Variants in TMEM108 observed in about 807,000 individuals in gnomAD.
TMEM108 encodes the protein cancer/testis antigen 124.
In TMEM108, 12 loss-of-function variants were observed where a neutral mutation model predicts 35.1. That is an observed-to-expected ratio of 0.34 (90% confidence interval 0.22 to 0.55). The LOEUF is 0.55. TMEM108 is among the 20% of genes least tolerant of loss of function. The pLI is 0.89. For missense variants in TMEM108, 680 were observed against 753.3 expected (o/e 0.90, Z 1.14); for synonymous variants, 287 against 308.6 (o/e 0.93, Z 0.73).
chr3:133,193,265 A>C (rs920353955), intron 2 of TMEM108, among the ~76,000 whole-genome samples: 1 of 152,216 alleles, frequency 6.6e-6, no homozygotes, highest in Non-Finnish European at 1.5e-5. Flanking sequence ...TATCAAAATC[A>C]AAGATAAATG....
In TMEM108 at chr3:133,346,909, ATTG is replaced by A. The variant is rs1260582423; in HGVS notation, c.41-32842_41-32840del. On this transcript the variant is annotated intron_variant, in intron 3 of 5. Transcript: ENST00000321871. This position sits in a 1 kb window ranked among gnomAD's most constrained non-coding sequence, Gnocchi z 4.0. ...TTATTGAACAAACAGTCCTTTCTCC[ATTG>A]AATTGCCTTAGCTCCTTTGTCAAAG... Among the ~76,000 whole-genome samples the A allele has an allele frequency of 2.0e-5, 3 of 152,094 alleles. No homozygotes were observed. In the East Asian group the frequency reaches 5.8e-4, roughly 29 times the overall value.
At chr3:133,227,557 AC>A (rs1946092380) in intron 2 of TMEM108, among the ~76,000 whole-genome samples, 1 of 151,666 alleles carries the variant, frequency 6.6e-6, no homozygotes, top group Non-Finnish European at 1.5e-5. Context: ...ATTAAAAAAA[AC>A]ACTTGAAAAC....
intron 2 of TMEM108, among the ~76,000 whole-genome samples, chr3:133,110,497 T>C (rs375714922): frequency 4.6e-5 from 7 of 152,324 alleles, no homozygotes; most frequent in African/African-American, 1.7e-4. Flanking sequence ...CTGAAAGGCA[T>C]GTTCGTGACA....
intron 4 of TMEM108, chr3:133,387,979 T>TA (rs1386030469): frequency 1.8e-5 from 18 of 985,354 alleles, no homozygotes; most frequent in Non-Finnish European, 2.0e-5. Context: ...GACTCACAGA[T>TA]ACACTTTTCC....
At chr3:133,192,150 T>C (rs958403985) in intron 2 of TMEM108, among the ~76,000 whole-genome samples, 3 of 152,066 alleles carry the variant, frequency 2.0e-5, no homozygotes, top group African/African-American at 7.2e-5. Context: ...AGAGTTACAA[T>C]TGCAAGGGAA....
chr3:133,386,586 A>G (rs2107854193), intron 4 of TMEM108: 2 of 1,459,980 alleles, frequency 1.4e-6, no homozygotes, highest in South Asian at 1.4e-5. Flanking sequence ...TTAATTCCCA[A>G]CTCTGTTTTA....
chr3:133,197,814 G>A (rs1945601764), intron 2 of TMEM108, among the ~76,000 whole-genome samples: 1 of 152,162 alleles, frequency 6.6e-6, no homozygotes, highest in Admixed American at 6.5e-5. Context: ...CAGAAACTCA[G>A]ACATGAGAGT....
intron 3 of TMEM108, among the ~76,000 whole-genome samples, chr3:133,352,613 A>G (rs1358433335): frequency 1.3e-5 from 2 of 152,330 alleles, no homozygotes; most frequent in African/African-American, 2.4e-5. Context: ...CAGCTTACAG[A>G]ATTCAGGAAA....
intron 3 of TMEM108, among the ~76,000 whole-genome samples, chr3:133,278,965 A>AG: frequency 6.6e-6 from 1 of 152,324 alleles, no homozygotes; most frequent in South Asian, 2.1e-4. Context: ...TGAAAGTTTG[A>AG]GGAGCTCTGA....
intron 2 of TMEM108, among the ~76,000 whole-genome samples, chr3:133,174,762 CA>C (rs527682820): frequency 4.3e-4 from 66 of 152,304 alleles, no homozygotes; most frequent in Non-Finnish European, 9.0e-4. Context: ...CTCTGAAAAT[CA>C]GAGCGCTTCT....
chr3:133,302,837 G>A (rs543818866), intron 3 of TMEM108, among the ~76,000 whole-genome samples: 89 of 151,918 alleles, frequency 5.9e-4, no homozygotes, highest in Non-Finnish European at 1.1e-3. Flanking sequence ...GGGTATCTTC[G>A]GGCCACCCCA....
intron 3 of TMEM108, among the ~76,000 whole-genome samples, chr3:133,231,867 C>G (rs1001776795): frequency 1.2e-4 from 19 of 152,160 alleles, no homozygotes; most frequent in African/African-American, 4.6e-4. Flanking sequence ...TTACCTAAGT[C>G]TCCTCAATTA....
chr3:133,158,165 G>A (rs1014987597), intron 2 of TMEM108, among the ~76,000 whole-genome samples: 12 of 152,048 alleles, frequency 7.9e-5, no homozygotes, highest in African/African-American at 2.7e-4. Context: ...GGTGTCTCAT[G>A]TATCTTAGAA....
chr3:133,292,019 A>G (rs1947076659), intron 3 of TMEM108, among the ~76,000 whole-genome samples: 1 of 152,188 alleles, frequency 6.6e-6, no homozygotes, highest in African/African-American at 2.4e-5. Flanking sequence ...CTTGATAACA[A>G]GAGAAATCTA....
At chr3:133,219,562 A>T (rs1379050199) in intron 2 of TMEM108, among the ~76,000 whole-genome samples, 1 of 152,022 alleles carries the variant, frequency 6.6e-6, no homozygotes, top group African/African-American at 2.4e-5. Flanking sequence ...CATTTGTCTC[A>T]AGATAATTTT....
intron 2 of TMEM108, among the ~76,000 whole-genome samples, chr3:133,083,795 TG>T (rs1159940658): frequency 1.3e-5 from 2 of 152,116 alleles, no homozygotes; most frequent in South Asian, 2.1e-4. Flanking sequence ...GTCATGTAAT[TG>T]GGGGGTGAAG....
chr3:133,133,084 C>T (rs1944512245), intron 2 of TMEM108, among the ~76,000 whole-genome samples: 2 of 152,212 alleles, frequency 1.3e-5, no homozygotes, highest in Admixed American at 1.3e-4. Flanking sequence ...ATGGAGTCCA[C>T]CCTGGTGAAG....
At chr3:133,156,063 C>CA (rs1944876538) in intron 2 of TMEM108, among the ~76,000 whole-genome samples, 2 of 74,680 alleles carry the variant, frequency 2.7e-5, no homozygotes, top group African/African-American at 1.1e-4. Flanking sequence ...TTTATTTTTT[C>CA]TTTTATTTAT....
chr3:133,361,689 A>C (rs1223049900), intron 3 of TMEM108, among the ~76,000 whole-genome samples: 1 of 151,772 alleles, frequency 6.6e-6, no homozygotes, highest in African/African-American at 2.4e-5. Context: ...ACTCCTAAGC[A>C]TCTCTCTCCA....
Sources: gnomAD v4.1 joint callset for allele counts (sites outside exome capture counted in the v4.1 genomes callset) on GRCh38, gnomAD v4.1.1 for gene constraint, Gnocchi (gnomAD v3.1) non-coding constraint, MANE v1.5 for transcripts, NCBI Gene and HGNC (gene_info 2026-07-23, HGNC 2026-07-21) for gene names.